TENM3: variants seen among roughly 807,000 people sequenced by gnomAD.
TENM3 encodes the protein teneurin transmembrane protein 3.
In TENM3, 63 loss-of-function variants were observed where a neutral mutation model predicts 255.1. The observed-to-expected ratio is 0.25, with a 90% CI of 0.20 to 0.30. The LOEUF (loss-of-function observed/expected upper bound fraction) is 0.30. Ranked by LOEUF, TENM3 falls within the 10% of genes least tolerant of loss-of-function variation. The probability of loss-of-function intolerance (pLI) is 1.00; values close to 1 mark genes in which losing one functional copy is unlikely to be tolerated. For missense variants in TENM3, 2,929 were observed against 3,461.1 expected (o/e 0.85, Z 3.86); for synonymous variants, 1,306 against 1,322.3 (o/e 0.99, Z 0.27).
At chr4:182,005,623 G>A in the TENM3 span, among the ~76,000 whole-genome samples, 1 of 152,172 alleles carries the variant, frequency 6.6e-6, no homozygotes, top group South Asian at 2.1e-4. Flanking sequence ...ATGGTAGTTT[G>A]ATGGGAATAG....
the TENM3 span, among the ~76,000 whole-genome samples, chr4:181,818,444 T>C: frequency 0.6 from 91,033 of 151,870 alleles, 27,857 homozygotes; most frequent in Admixed American, 0.72. Context: ...GCCCGCCCTA[T>C]AGATTGTGGT....
chr4:182,629,813 GA>G (rs1256885840), intron 5 of TENM3, among the ~76,000 whole-genome samples: 2 of 152,142 alleles, frequency 1.3e-5, no homozygotes, highest in Non-Finnish European at 2.9e-5. Context: ...TTCTGCAGTG[GA>G]CCAGTATCTT....
chr4:182,551,509 A>G (rs1476857902), intron 3 of TENM3, among the ~76,000 whole-genome samples: 4 of 152,170 alleles, frequency 2.6e-5, no homozygotes. Flanking sequence ...TGATTAGAAA[A>G]GGACTGAATA....
chr4:182,713,772 T>TTCC lies in TENM3; in HGVS notation c.2222-315_2222-314insTCC, dbSNP rs1758934612. Among the ~76,000 whole-genome samples, 4 of 152,328 alleles carry TTCC rather than the reference T, an allele frequency of 2.6e-5. 1 individual carries two copies. Among genetic ancestry groups the TTCC allele is most frequent in the African/African-American group, 9.6e-5 (4 of 41,582 alleles). ...TTGTTGAGATGGCTTTTCCACACCG[T>TTCC]ACAATATACCTTGTTGCTTGGCTAA... On this transcript the variant is annotated intron_variant, in intron 12 of 27. Coordinates refer to ENST00000511685, the MANE Select transcript of TENM3 (RefSeq NM_001080477.4).
upstream of TENM3, among the ~76,000 whole-genome samples, chr4:182,140,988 C>CG (rs970295413): frequency 2.7e-5 from 3 of 109,364 alleles, no homozygotes; most frequent in African/African-American, 8.6e-5. Context: ...CCATTATATC[C>CG]CTCCCCCCCG....
At chr4:181,811,121 A>T in the TENM3 span, among the ~76,000 whole-genome samples, 694 of 152,308 alleles carry the variant, frequency 4.6e-3, 10 homozygotes, top group African/African-American at 0.016. Flanking sequence ...CTGCCAAGCC[A>T]AGTGTCCTTC....
At chr4:182,580,892 G>A (rs952789314) in intron 3 of TENM3, among the ~76,000 whole-genome samples, 1 of 152,142 alleles carries the variant, frequency 6.6e-6, no homozygotes, top group African/African-American at 2.4e-5. Context: ...AATATCCATT[G>A]TTTGAAAGTT....
chr4:182,121,126 G>T, the TENM3 span, among the ~76,000 whole-genome samples: 1 of 152,028 alleles, frequency 6.6e-6, no homozygotes, highest in South Asian at 2.1e-4. Context: ...AGCCTCCCGA[G>T]TAGCTGGGAT....
Position 182,698,585 on chromosome 4 carries a change from C to T in TENM3, c.2221+10234C>T, listed in dbSNP as rs561171806. Among the ~76,000 whole-genome samples, 10 of 152,324 alleles carry T rather than the reference C, an allele frequency of 6.6e-5. 1 individual carries two copies. Among genetic ancestry groups the T allele is most frequent in the African/African-American group, 1.9e-4 (8 of 41,566 alleles). On this transcript the variant is annotated intron_variant, in intron 12 of 27. Coordinates refer to ENST00000511685, the MANE Select transcript of TENM3 (RefSeq NM_001080477.4). ...GCCATGTGGATACACGTTCTCCAGT[C>T]ATGTTGGTGATTTATTTTCCACTAA...
At chr4:181,659,195 G>A in the TENM3 span, among the ~76,000 whole-genome samples, 85 of 152,236 alleles carry the variant, frequency 5.6e-4, no homozygotes, top group African/African-American at 2.0e-3. Context: ...TTAATCCTTT[G>A]TCACAAACCG....
intron 1 of TENM3, among the ~76,000 whole-genome samples, chr4:182,230,042 A>G (rs1026730683): frequency 6.6e-6 from 1 of 151,436 alleles, no homozygotes; most frequent in South Asian, 2.1e-4. Flanking sequence ...TTATTTCCCT[A>G]TTTTAAGTAG....
the TENM3 span, among the ~76,000 whole-genome samples, chr4:182,135,415 C>G: frequency 6.6e-6 from 1 of 152,068 alleles, no homozygotes; most frequent in Non-Finnish European, 1.5e-5. Flanking sequence ...GGTTTCCAGA[C>G]TAAGGTAATT....
At chr4:181,915,717 G>A in the TENM3 span, among the ~76,000 whole-genome samples, 1 of 151,172 alleles carries the variant, frequency 6.6e-6, no homozygotes, top group Admixed American at 6.6e-5. Context: ...AAAGAGGAGG[G>A]GAGAGGAGAG....
intron 3 of TENM3, among the ~76,000 whole-genome samples, chr4:182,582,534 T>G (rs1488218050): frequency 2.6e-5 from 4 of 152,170 alleles, no homozygotes; most frequent in Non-Finnish European, 5.9e-5. Flanking sequence ...AGAATCCATA[T>G]AGTTACGTTG....
the TENM3 span, among the ~76,000 whole-genome samples, chr4:181,558,809 C>A: frequency 6.6e-6 from 1 of 152,130 alleles, no homozygotes. Flanking sequence ...TGGTTAATAC[C>A]TGCATGCAAG....
intron 1 of TENM3, among the ~76,000 whole-genome samples, chr4:182,159,455 TGTGTGTGTG>T (rs1561149148): frequency 3.2e-4 from 29 of 90,732 alleles, no homozygotes; most frequent in Middle Eastern, 6.0e-3. Flanking sequence ...TGAGTGTGTG[TGTGTGTGTG>T]TGTGTGTGTG....
the TENM3 span, among the ~76,000 whole-genome samples, chr4:181,767,124 C>T: frequency 0.012 from 1,776 of 144,988 alleles, 56 homozygotes; most frequent in African/African-American, 0.043. Context: ...TGGTGGCGGG[C>T]GCCTGTAGTC....
the TENM3 span, among the ~76,000 whole-genome samples, chr4:182,108,054 C>A: frequency 5.9e-5 from 9 of 152,240 alleles, no homozygotes; most frequent in Admixed American, 5.2e-4. Flanking sequence ...AGTGACATAA[C>A]TTTTCACGGG....
At position 182,679,682 on chromosome 4, in the gene TENM3, T is replaced by C; in HGVS notation, c.1343T>C (p.Leu448Pro). ...PSHTQYDFVE[L>P]LDGSRLIARE... ...TCCCCCCAGTATGACTTCGTGGAGCTCCTGGATGGCAGCAGGCTGATTGCC... is the reference window on the plus strand; with the variant it reads ...TCCCCCCAGTATGACTTCGTGGAGCCCCTGGATGGCAGCAGGCTGATTGCC... The change falls in exon 8 of 28, where the codon CTC becomes CCC. Residue 448 changes from leucine (L) to proline (P), a missense_variant. This residue lies in a region of TENM3 where 1,608 missense variants were observed against 1,884.4 expected (regional missense o/e 0.85). Coordinates refer to ENST00000511685, the MANE Select transcript of TENM3 (RefSeq NM_001080477.4). 1 of 1,612,548 alleles carries C rather than the reference T, an allele frequency of 6.2e-7. No individual in the cohort carries two copies. The highest frequency in any genetic ancestry group is 8.5e-7 in the Non-Finnish European group (1 of 1,179,700).
Sources: allele counts gnomAD v4.1 joint callset (sites outside exome capture counted in the v4.1 genomes callset), GRCh38; gene constraint gnomAD v4.1.1; regional missense constraint gnomAD v4.1.1; transcripts MANE v1.5; gene names NCBI Gene and HGNC (gene_info 2026-07-23, HGNC 2026-07-21).